Variants in CCDC3 observed in about 807,000 individuals in gnomAD.
The protein encoded by CCDC3 is coiled-coil domain-containing protein 3.
In CCDC3, 24 loss-of-function variants were observed where a neutral mutation model predicts 21.4. The observed-to-expected ratio is 1.12, with a 90% CI of 0.81 to 1.58. CCDC3 has a LOEUF of 1.58. CCDC3 is among the 40% of genes most tolerant of loss of function. The probability of loss-of-function intolerance (pLI) is 0.00; values close to 1 mark genes in which losing one functional copy is unlikely to be tolerated. For missense variants in CCDC3, 425 were observed against 360.9 expected, an observed-to-expected ratio of 1.18 and a Z score of -1.44; for synonymous variants, 186 against 166.0, an observed-to-expected ratio of 1.12 and a Z score of -0.93.
intron 4 of CCDC3, among the ~76,000 whole-genome samples, chr10:13,071,573 C>T (rs1004811697): frequency 6.6e-6 from 1 of 152,168 alleles, no homozygotes; most frequent in Admixed American, 6.5e-5. Flanking sequence ...AGCGGATATT[C>T]CCATCCCTTA....
chr10:13,085,981 G>A (rs78411037), intron 3 of CCDC3, among the ~76,000 whole-genome samples: 1 of 147,050 alleles, frequency 6.8e-6, no homozygotes, highest in Non-Finnish European at 1.5e-5. Flanking sequence ...AAAAAAAAAA[G>A]AAAGAAAGAA....
chr10:12,922,927 A>G (rs749020599), intron 2 of CCDC3, among the ~76,000 whole-genome samples: 1 of 152,232 alleles, frequency 6.6e-6, no homozygotes, highest in African/African-American at 2.4e-5. Flanking sequence ...TCTTATTCTG[A>G]CATTGGCCAA....
At chr10:12,981,461 C>T (rs1835496055) in intron 2 of CCDC3, among the ~76,000 whole-genome samples, 1 of 152,146 alleles carries the variant, frequency 6.6e-6, no homozygotes, top group African/African-American at 2.4e-5. Context: ...GCTGGGTTTA[C>T]AGGCGTGAGC....
intron 2 of CCDC3, among the ~76,000 whole-genome samples, chr10:12,995,148 G>T (rs1413502476): frequency 1.3e-5 from 2 of 151,718 alleles, no homozygotes; most frequent in Admixed American, 1.3e-4. Flanking sequence ...TCACTCCAGG[G>T]TATGTAAAAA....
At chr10:12,943,758 T>C (rs1184599802) in intron 2 of CCDC3, among the ~76,000 whole-genome samples, 2 of 152,208 alleles carry the variant, frequency 1.3e-5, no homozygotes, top group African/African-American at 4.8e-5. Context: ...TATAAAACTC[T>C]GTGCATTTCG....
chr10:13,035,608 T>C (rs962137866), intron 5 of CCDC3, among the ~76,000 whole-genome samples: 1 of 152,214 alleles, frequency 6.6e-6, no homozygotes, highest in Non-Finnish European at 1.5e-5. Context: ...CATGTTCTGC[T>C]TGTTTAATTC....
chr10:13,074,721 C>G (rs973443884), intron 3 of CCDC3, among the ~76,000 whole-genome samples: 7 of 152,162 alleles, frequency 4.6e-5, no homozygotes, highest in Non-Finnish European at 7.3e-5. Context: ...TACACACACT[C>G]ACATGAGTTC....
intron 2 of CCDC3, among the ~76,000 whole-genome samples, chr10:12,968,839 G>T (rs1318634624): frequency 6.6e-6 from 1 of 151,928 alleles, no homozygotes; most frequent in South Asian, 2.1e-4. Context: ...TAATCACAAA[G>T]CAAAAATCTA....
At chr10:12,950,697 C>A (rs2580896) in intron 2 of CCDC3, among the ~76,000 whole-genome samples, 144,157 of 152,262 alleles carry the variant, frequency 0.95, 68,634 homozygotes, top group East Asian at 1. Context: ...AACATTTCTA[C>A]AGTTCCTGAC....
upstream of CCDC3, among the ~76,000 whole-genome samples, chr10:13,005,322 C>G (rs1282098570): frequency 6.6e-6 from 1 of 152,198 alleles, no homozygotes; most frequent in African/African-American, 2.4e-5. Flanking sequence ...GGCAACGTAC[C>G]TTCAGAGTCA....
At chr10:12,910,249 C>T (rs910886983) in intron 2 of CCDC3, among the ~76,000 whole-genome samples, 2 of 152,188 alleles carry the variant, frequency 1.3e-5, no homozygotes, top group African/African-American at 4.8e-5. Context: ...TTAGCAAGAC[C>T]TTGCTTCAAA....
chr10:12,948,983 G>A (rs567608002), intron 2 of CCDC3, among the ~76,000 whole-genome samples: 38 of 151,942 alleles, frequency 2.5e-4, no homozygotes, highest in Admixed American at 1.5e-3. Flanking sequence ...CACCCGCCTC[G>A]GCCTCCCAAA....
At chr10:12,974,178 C>A (rs1406476830) in intron 2 of CCDC3, among the ~76,000 whole-genome samples, 2 of 152,222 alleles carry the variant, frequency 1.3e-5, no homozygotes, top group Non-Finnish European at 1.5e-5. Flanking sequence ...ATGAAATTTG[C>A]TGGATAGGAA....
At chr10:12,934,270 G>A (rs1223300192) in intron 2 of CCDC3, among the ~76,000 whole-genome samples, 3 of 152,178 alleles carry the variant, frequency 2.0e-5, no homozygotes, top group Non-Finnish European at 4.4e-5. Flanking sequence ...TTGATTTCTA[G>A]TTTAATTCCA....
In CCDC3 at chr10:12,997,024, C is replaced by A. The variant is rs181073988; in HGVS notation, c.549+1314G>T. ...ATTGGTATACCAAACCCCAGTGGCA[C>A]GCAATTTACCCACGTCATAAACCTA... On this transcript the variant is annotated intron_variant, in intron 2 of 2. Transcript: ENST00000378825. 3.3e-5 allele frequency among the ~76,000 whole-genome samples: 5 copies of A among 152,104 alleles called. No homozygotes were observed. The East Asian group carries it at 7.7e-4, about 24-fold the overall frequency.
rs78941424 is a variant in CCDC3, at chr10:13,007,271, T to C, written c.-1-8759A>G. 1.7e-3 allele frequency among the ~76,000 whole-genome samples: 256 copies of C among 152,286 alleles called. 2 individuals carry two copies. The highest frequency in any genetic ancestry group is 6.0e-3 in the African/African-American group (249 of 41,574). ...CGAGTATTCAGTTCAACCTTCCTAA[T>C]TCCCTAAGCCTTTGGATTCCCTCCT... On this transcript the variant is annotated intron_variant, in intron 5 of 6. Transcript: ENST00000378839.
intron 2 of CCDC3, among the ~76,000 whole-genome samples, chr10:12,959,371 T>C (rs925800332): frequency 1.3e-5 from 2 of 152,104 alleles, no homozygotes; most frequent in East Asian, 1.9e-4. Flanking sequence ...TTTCAACATG[T>C]TGACCAGGCT....
chr10:12,983,524 G>C (rs1313861462), intron 2 of CCDC3, among the ~76,000 whole-genome samples: 1 of 150,516 alleles, frequency 6.6e-6, no homozygotes, highest in Non-Finnish European at 1.5e-5. Context: ...TGAGCCAAGA[G>C]TGCACCACTG....
rs137971389 is a variant in CCDC3 at position 12,908,404 on chromosome 10, G to A, written c.550-9725C>T. On this transcript the variant is annotated intron_variant, in intron 2 of 2. Transcript: ENST00000378825. ...CATGCAGCAAGAATAGACTACAAGAGTGAGTGTCAAGGCTGCTCAGTTACG... is the reference window on the plus strand; with the variant it reads ...CATGCAGCAAGAATAGACTACAAGAATGAGTGTCAAGGCTGCTCAGTTACG... Among the ~76,000 whole-genome samples, 847 of 152,246 alleles carry A rather than the reference G, an allele frequency of 5.6e-3. 9 individuals carry two copies. The highest frequency in any genetic ancestry group is 0.027 in the Middle Eastern group (8 of 294).
Sources: gnomAD v4.1 joint callset for allele counts (sites outside exome capture counted in the v4.1 genomes callset) on GRCh38, gnomAD v4.1.1 for gene constraint, MANE v1.5 for transcripts, NCBI Gene and HGNC (gene_info 2026-07-23, HGNC 2026-07-21) for gene names.